The following OTUB1 variants were observed in gnomAD, a reference collection of about 807,000 sequenced individuals.
OTUB1 encodes ubiquitin thioesterase OTUB1.
Under a neutral mutation model 35.8 loss-of-function variants are expected in OTUB1, and 10 were observed. The ratio of observed to expected loss-of-function variants is 0.28; its 90% CI spans 0.17 to 0.47. The LOEUF (loss-of-function observed/expected upper bound fraction) is 0.47. Ranked by LOEUF, OTUB1 falls within the 20% of genes least tolerant of loss-of-function variation. The pLI, the probability that OTUB1 is intolerant of heterozygous loss-of-function variation, is 0.99. For missense variants in OTUB1, 264 were observed against 351.6 expected, an observed-to-expected ratio of 0.75 and a Z score of 1.99; for synonymous variants, 158 against 143.8, an observed-to-expected ratio of 1.10 and a Z score of -0.71.
intron 3 of OTUB1, 71 bp from the exon 4 acceptor site, chr11:63,996,458 TG>T: frequency 1.3e-6 from 2 of 1,532,422 alleles, no homozygotes; most frequent in Non-Finnish European, 1.8e-6. Context: ...TGACCTTTGC[TG>T]GGGGACATTT....
At chr11:63,991,516 T>C (rs562103149) in intron 3 of OTUB1, among the ~76,000 whole-genome samples, 8 of 152,360 alleles carry the variant, frequency 5.3e-5, no homozygotes, top group South Asian at 4.1e-4. Context: ...CTGTATGCTG[T>C]GCCTGAGCCC....
intron 3 of OTUB1, chr11:63,990,466 C>T (rs1942660943): frequency 6.6e-6 from 1 of 151,754 alleles, no homozygotes; most frequent in Non-Finnish European, 1.5e-5. Context: ...GGTGTGGTAG[C>T]ACATGTCTAT....
chr11:63,993,507 C>CA (rs1484724943), intron 3 of OTUB1, among the ~76,000 whole-genome samples: 2 of 151,702 alleles, frequency 1.3e-5, no homozygotes, highest in Non-Finnish European at 2.9e-5. Context: ...ACTAAAAATA[C>CA]AAAAAAATTA....
chr11:63,987,798 C>T (rs1253192997), intron 1 of OTUB1, among the ~76,000 whole-genome samples: 1 of 152,204 alleles, frequency 6.6e-6, no homozygotes, highest in African/African-American at 2.4e-5. Context: ...GACTCTGCTT[C>T]CTCGTCCTAC....
At chr11:63,996,209 A>G (rs1180635559) in intron 3 of OTUB1, among the ~76,000 whole-genome samples, 1 of 152,152 alleles carries the variant, frequency 6.6e-6, no homozygotes. Flanking sequence ...TCTTGGGCTG[A>G]AAGACTGGAG....
chr11:63,986,550 G>C, intron 1 of OTUB1, 36 bp downstream of exon 1: 2 of 1,519,526 alleles, frequency 1.3e-6, no homozygotes, highest in Non-Finnish European at 8.9e-7. Context: ...GCCCGGGCTA[G>C]TGGGGGCGAT....
chr11:63,986,802 G>A lies in OTUB1; in HGVS notation c.58+288G>A, dbSNP rs1942624853. 1.0e-5 allele frequency: 4 copies of A among 397,868 alleles called. No individual in the cohort carries two copies. The East Asian group carries it at 1.6e-4, about 16-fold the overall frequency. The allele number at this position is 397,868 out of a possible 1,614,324, so 24.6% of individuals were successfully genotyped here. On this transcript the variant is annotated intron_variant, in intron 1 of 6. Coordinates refer to ENST00000538426, the MANE Select transcript of OTUB1 (RefSeq NM_017670.3). ...CGCTCCGCCCTCTGCCCAACCCCTC[G>A]GCTCCTGGCTCCAGGGGCCCCGAGC... is the stretch of plus-strand genomic sequence containing the variant.
chr11:63,997,449 A>C lies in OTUB1; in HGVS notation c.719A>C (p.Glu240Ala). 1 of 1,614,126 alleles carries C rather than the reference A, an allele frequency of 6.2e-7. No homozygotes were observed. Among genetic ancestry groups the C allele is most frequent in the Non-Finnish European group, 8.5e-7 (1 of 1,180,010 alleles). The part of the protein sequence containing the change: ...SIQVEYMDRG[E>A]GGTTNPHIFP... ...CAGGTGGAGTACATGGACCGCGGCG[A>C]GGGCGGCACCACCAATCCGCACATC... The change falls in exon 7 of 7, where the codon GAG becomes GCG. Residue 240 changes from glutamate (E) to alanine (A), a missense_variant. Glu to Ala is a moderately radical substitution (Grantham distance 107). Transcript: ENST00000538426.
Position 63,997,523 on chromosome 11 carries a change from C to T in OTUB1, c.793C>T (p.His265Tyr). The change falls in exon 7 of 7, where the codon CAC becomes TAC. Residue 265 changes from histidine (H) to tyrosine (Y), a missense_variant. Coordinates refer to ENST00000538426, the MANE Select transcript of OTUB1 (RefSeq NM_017670.3). ...GGTCTACCTTCTCTACCGGCCTGGACACTACGATATCCTCTACAAATAGGG... is the reference window on the plus strand; with the variant it reads ...GGTCTACCTTCTCTACCGGCCTGGATACTACGATATCCTCTACAAATAGGG... ...PKVYLLYRPG[H>Y]YDILYK is the part of the protein sequence containing the mutation. The T allele has an allele frequency of 6.2e-7, 1 of 1,614,036 alleles. No individual in the cohort carries two copies. Among genetic ancestry groups the T allele is most frequent in the Non-Finnish European group, 8.5e-7 (1 of 1,179,974 alleles).
intron 3 of OTUB1, among the ~76,000 whole-genome samples, chr11:63,996,066 T>G (rs1386259240): frequency 6.6e-6 from 1 of 152,020 alleles, no homozygotes; most frequent in East Asian, 1.9e-4. Context: ...CGGGCAAGGC[T>G]TAGAGGTGGG....
At position 63,997,459 on chromosome 11, in the gene OTUB1, C is replaced by G. The variant is rs776800921; in HGVS notation, c.729C>G (p.Thr243=). 1.2e-6 allele frequency: 2 copies of G among 1,614,154 alleles called. No homozygotes were observed. Among genetic ancestry groups the G allele is most frequent in the Non-Finnish European group, 1.7e-6 (2 of 1,180,022 alleles). ...ACATGGACCGCGGCGAGGGCGGCAC[C>G]ACCAATCCGCACATCTTCCCTGAGG... ...VEYMDRGEGG[T]TNPHIFPEGS... The change falls in exon 7 of 7, where the codon ACC becomes ACG. Residue 243 remains threonine, a synonymous_variant. Coordinates refer to ENST00000538426, the MANE Select transcript of OTUB1 (RefSeq NM_017670.3).
chr11:63,996,745 CG>C, intron 4 of OTUB1, 97 bp downstream of exon 4: 2 of 1,610,112 alleles, frequency 1.2e-6, no homozygotes, highest in Non-Finnish European at 1.7e-6. Context: ...CCCTCCTTCC[CG>C]GGCGATGGGC....
At chr11:63,988,901 T>G in intron 3 of OTUB1, 149 bp downstream of exon 3, 1 of 603,094 alleles carries the variant, frequency 1.7e-6, no homozygotes, top group East Asian at 2.8e-5. Context: ...GTGCGTAGGC[T>G]GAGGCCTCAA....
In OTUB1 at chr11:63,997,471, C is replaced by T. The variant is rs751956914; in HGVS notation, c.741C>T (p.His247=). The T allele has an allele frequency of 6.2e-7, 1 of 1,614,196 alleles. No individual in the cohort carries two copies. Among genetic ancestry groups the T allele is most frequent in the South Asian group, 1.1e-5 (1 of 91,090 alleles). ...DRGEGGTTNP[H]IFPEGSEPKV... is the part of the protein sequence containing the mutation. The stretch of plus-strand genomic sequence containing the variant: ...GCGAGGGCGGCACCACCAATCCGCA[C>T]ATCTTCCCTGAGGGCTCCGAGCCCA... Residue 247 remains histidine, a synonymous_variant, in exon 7 of 7, where the codon CAC becomes CAT. Transcript: ENST00000538426.
At chr11:63,992,388 T>A (rs995969280) in intron 3 of OTUB1, among the ~76,000 whole-genome samples, 1 of 129,902 alleles carries the variant, frequency 7.7e-6, no homozygotes, top group Non-Finnish European at 1.6e-5. Context: ...GGCACCTGGA[T>A]GGTTTGAGGC....
chr11:63,986,785 C>T (rs1942624603), intron 1 of OTUB1: 2 of 436,652 alleles, frequency 4.6e-6, no homozygotes, highest in Non-Finnish European at 4.1e-6. Flanking sequence ...GTCGCTCCGC[C>T]CTCTGCCCAA....
Position 63,996,935 on chromosome 11 carries a change from C to T in OTUB1, c.417C>T (p.His139=). The change falls in exon 5 of 7, where the codon CAC becomes CAT. Residue 139 remains histidine (H), a synonymous_variant. Transcript: ENST00000538426. ...CTGAATTCACAATTGAGGATTTCCA[C>T]AACACGGTGAGCCCTGGTGCCTGTC... The part of the protein sequence containing the change: ...GFTEFTIEDF[H]NTFMDLIEQV... 6.2e-7 allele frequency: 1 copy of T among 1,614,062 alleles called. No homozygotes were observed. Among genetic ancestry groups the T allele is most frequent in the East Asian group, 2.2e-5 (1 of 44,876 alleles).
At chr11:63,997,275 G>T (rs377461592) in intron 6 of OTUB1, 31 bp downstream of exon 6, 1 of 1,610,808 alleles carries the variant, frequency 6.2e-7, no homozygotes, top group Non-Finnish European at 8.5e-7. Context: ...ACTCTCGGCC[G>T]GGGGAGTGCA....
intron 1 of OTUB1, 103 bp downstream of exon 1, chr11:63,986,617 G>C: frequency 1.0e-6 from 1 of 953,840 alleles, no homozygotes; most frequent in Non-Finnish European, 1.5e-6. Flanking sequence ...CTCTGGGGTC[G>C]AGGTGCGCGA....
Sources: gnomAD v4.1 joint callset for allele counts (sites outside exome capture counted in the v4.1 genomes callset) on GRCh38, gnomAD v4.1.1 for gene constraint, MANE v1.5 for transcripts, NCBI Gene and HGNC (gene_info 2026-07-23, HGNC 2026-07-21) for gene names.